IMMP2L: variants seen among roughly 807,000 people sequenced by gnomAD.
The protein encoded by IMMP2L is inner mitochondrial membrane peptidase subunit 2.
IMMP2L carries 18 observed loss-of-function variants against 19.3 expected under a neutral mutation model. The ratio of observed to expected loss-of-function variants is 0.93; its 90% CI spans 0.64 to 1.38. IMMP2L has a LOEUF of 1.38. Ranked by LOEUF, IMMP2L falls within the 40% of genes most tolerant of loss-of-function variation. The pLI, the probability that IMMP2L is intolerant of heterozygous loss-of-function variation, is 0.00. For synonymous variants in IMMP2L, 76 were observed against 73.0 expected, an observed-to-expected ratio of 1.04 and a Z score of -0.21; for missense variants, 233 against 218.2, an observed-to-expected ratio of 1.07 and a Z score of -0.43.
rs1286444890 is a variant in IMMP2L, at chr7:111,454,747, T to C, written c.239+32491A>G. ...TAAAGCTTTTTTTTAAGTTTCTCTT[T>C]ACCCAAAAATATAATCTGGATTAAA... On this transcript the variant is annotated intron_variant, in intron 3 of 5. Coordinates refer to ENST00000405709, the MANE Select transcript of IMMP2L (RefSeq NM_032549.4). Among the ~76,000 whole-genome samples, 3 of 152,060 alleles carry C rather than the reference T, an allele frequency of 2.0e-5. No individual in the cohort carries two copies. In the East Asian group the frequency reaches 5.8e-4, roughly 29 times the overall value.
At chr7:111,276,110 G>C (rs2130461297) in intron 3 of IMMP2L, among the ~76,000 whole-genome samples, 1 of 152,114 alleles carries the variant, frequency 6.6e-6, no homozygotes, top group South Asian at 2.1e-4. Context: ...ATTATGTTGA[G>C]ATATGTCCTT....
intron 5 of IMMP2L, among the ~76,000 whole-genome samples, chr7:110,839,003 G>T (rs545960463): frequency 6.6e-6 from 1 of 152,078 alleles, no homozygotes; most frequent in Admixed American, 6.6e-5. Context: ...GATAATAACA[G>T]CATACTTAAT....
intron 3 of IMMP2L, among the ~76,000 whole-genome samples, chr7:111,437,467 T>C (rs1453687684): frequency 6.6e-6 from 1 of 151,680 alleles, no homozygotes; most frequent in Non-Finnish European, 1.5e-5. Flanking sequence ...AATTAATGCA[T>C]CCCACTGCTA....
chr7:110,827,448 A>G (rs113879501), intron 5 of IMMP2L, among the ~76,000 whole-genome samples: 33 of 152,298 alleles, frequency 2.2e-4, no homozygotes, highest in African/African-American at 7.7e-4. Flanking sequence ...ATCAAGCATT[A>G]GGTTGCTTCT....
intron 5 of IMMP2L, among the ~76,000 whole-genome samples, chr7:110,766,873 T>C (rs1289372707): frequency 2.0e-5 from 3 of 152,074 alleles, no homozygotes; most frequent in East Asian, 1.9e-4. Context: ...CTTCAGGCAA[T>C]TAAGTATTCA....
At chr7:111,091,314 TAGAG>T (rs1287944246) in intron 3 of IMMP2L, 2 of 152,258 alleles carry the variant, frequency 1.3e-5, no homozygotes, top group Middle Eastern at 3.4e-3. Flanking sequence ...TATTTTAAAA[TAGAG>T]AGATAAGATT....
intron 3 of IMMP2L, among the ~76,000 whole-genome samples, chr7:111,282,747 C>G (rs1012278204): frequency 1.3e-5 from 2 of 152,134 alleles, no homozygotes; most frequent in Non-Finnish European, 1.5e-5. Flanking sequence ...CAATGCTAAG[C>G]TAATTTTTGT....
At chr7:111,070,819 C>T (rs1794892234) in intron 3 of IMMP2L, among the ~76,000 whole-genome samples, 1 of 152,154 alleles carries the variant, frequency 6.6e-6, no homozygotes, top group Non-Finnish European at 1.5e-5. Context: ...TATAAGTAGA[C>T]ACATCTTCAA....
At chr7:111,184,506 T>G (rs1217909306) in intron 3 of IMMP2L, among the ~76,000 whole-genome samples, 1 of 152,126 alleles carries the variant, frequency 6.6e-6, no homozygotes, top group Non-Finnish European at 1.5e-5. Context: ...TGAAAGGAAC[T>G]TCCCTTGCCT....
chr7:110,986,742 T>A (rs1418160862), intron 3 of IMMP2L, among the ~76,000 whole-genome samples: 1 of 152,056 alleles, frequency 6.6e-6, no homozygotes, highest in African/African-American at 2.4e-5. Context: ...CTGGCTTATT[T>A]GTAAAACAAG....
At chr7:111,098,289 G>T (rs10261004) in intron 3 of IMMP2L, among the ~76,000 whole-genome samples, 112,785 of 151,716 alleles carry the variant, frequency 0.74, 42,864 homozygotes, top group Non-Finnish European at 0.81. Context: ...CACAGTTGTT[G>T]AAAGAGTTTC....
chr7:111,119,300 C>A (rs1218584103), intron 3 of IMMP2L, among the ~76,000 whole-genome samples: 1 of 152,234 alleles, frequency 6.6e-6, no homozygotes. Flanking sequence ...GGGGTATATG[C>A]TCCCAAATGA....
intron 2 of IMMP2L, among the ~76,000 whole-genome samples, chr7:111,513,830 T>C (rs1845655843): frequency 6.6e-6 from 1 of 152,102 alleles, no homozygotes; most frequent in Non-Finnish European, 1.5e-5. Context: ...GTGGTATATA[T>C]ACTATGAAAT....
rs939584616 is a variant in IMMP2L, at chr7:110,758,233, G to A, written c.409-94512C>T. Among the ~76,000 whole-genome samples the A allele has an allele frequency of 2.0e-5, 3 of 152,012 alleles. No individual in the cohort carries two copies. Among genetic ancestry groups the A allele is most frequent in the Non-Finnish European group, 4.4e-5 (3 of 67,996 alleles). ...GACTGGTTTCTGTACAGTGATGTGG[G>A]TGAAAATCTGACTGGAGTGGACTTA... On this transcript the variant is annotated intron_variant, in intron 5 of 5. Transcript: ENST00000405709. The surrounding 1 kb of genome is among the most constrained non-coding windows in gnomAD (Gnocchi z 4.6).
chr7:111,354,490 C>T (rs1584768952), intron 3 of IMMP2L, among the ~76,000 whole-genome samples: 1 of 150,742 alleles, frequency 6.6e-6, no homozygotes, highest in Non-Finnish European at 1.5e-5. Context: ...GGAAATATTA[C>T]ATTAAATGAT....
intron 3 of IMMP2L, among the ~76,000 whole-genome samples, chr7:111,351,970 A>G (rs1366644260): frequency 7.2e-5 from 11 of 152,156 alleles, no homozygotes. Flanking sequence ...CATCTACTTA[A>G]ACATCAGTTT....
chr7:111,429,989 G>A (rs1222709075), intron 3 of IMMP2L, among the ~76,000 whole-genome samples: 1 of 151,848 alleles, frequency 6.6e-6, no homozygotes, highest in African/African-American at 2.4e-5. Context: ...CTAGACATGA[G>A]TTTCTGAGCA....
intron 3 of IMMP2L, among the ~76,000 whole-genome samples, chr7:111,227,479 A>G (rs214475): frequency 0.64 from 97,489 of 151,916 alleles, 31,696 homozygotes; most frequent in African/African-American, 0.7. Context: ...CACCCAAGAG[A>G]AAACACTAGT....
At chr7:110,784,737 T>C (rs1041779421) in intron 5 of IMMP2L, among the ~76,000 whole-genome samples, 1 of 151,850 alleles carries the variant, frequency 6.6e-6, no homozygotes, top group Non-Finnish European at 1.5e-5. Flanking sequence ...AAAATCCTAA[T>C]GCCTGGACCC....
Sources: allele counts gnomAD v4.1 joint callset (sites outside exome capture counted in the v4.1 genomes callset), GRCh38; gene constraint gnomAD v4.1.1; non-coding constraint Gnocchi (gnomAD v3.1); transcripts MANE v1.5; gene names NCBI Gene and HGNC (gene_info 2026-07-23, HGNC 2026-07-21).